The following TBL1X variants were observed in gnomAD, a reference collection of about 807,000 sequenced individuals.
The protein encoded by TBL1X is transducin beta like 1 X-linked, also known as F-box-like/WD repeat-containing protein TBL1X.
TBL1X carries 10 observed loss-of-function variants against 50.7 expected under a neutral mutation model. The observed-to-expected ratio is 0.20, with a 90% CI of 0.12 to 0.33. The LOEUF is 0.33. Ranked by LOEUF, TBL1X falls within the 10% of genes least tolerant of loss-of-function variation. TBL1X has a pLI of 1.00. For synonymous variants in TBL1X, 190 were observed against 214.7 expected (o/e 0.88, Z 1.01); for missense variants, 340 against 504.4 (o/e 0.67, Z 3.12).
intron 2 of TBL1X, among the ~76,000 whole-genome samples, chrX:9,545,143 A>T (rs903835754): frequency 9.3e-6 from 1 of 107,396 alleles, no homozygotes; most frequent in African/African-American, 3.4e-5. Context: ...AGTAGCTGGG[A>T]TTACAGGTAC....
chrX:9,594,883 G>T (rs750168559), intron 2 of TBL1X, among the ~76,000 whole-genome samples: 1 of 111,993 alleles, frequency 8.9e-6, no homozygotes, highest in Non-Finnish European at 1.9e-5. Flanking sequence ...GTGTATACCC[G>T]TGTCTTTCTT....
chrX:9,532,340 C>T (rs903138405), intron 2 of TBL1X, among the ~76,000 whole-genome samples: 6 of 111,866 alleles, frequency 5.4e-5, no homozygotes, highest in Admixed American at 4.7e-4. Context: ...AATTCTATAT[C>T]TTAACATTGG....
At chrX:9,651,929 G>A (rs901730515) in intron 3 of TBL1X, among the ~76,000 whole-genome samples, 5 of 112,386 alleles carry the variant, frequency 4.4e-5, no homozygotes, top group East Asian at 2.8e-4. Flanking sequence ...GATAACAGAC[G>A]ACCACACGTT....
intron 17 of TBL1X, among the ~76,000 whole-genome samples, chrX:9,715,242 G>A (rs1454057821): frequency 8.9e-6 from 1 of 112,137 alleles, no homozygotes; most frequent in Non-Finnish European, 1.9e-5. Flanking sequence ...TCTCAACCAG[G>A]GTGATTCTGC....
At position 9,711,406 on chromosome X, in the gene TBL1X, A is replaced by G. The variant is rs374231770; in HGVS notation, c.1440-205A>G. On this transcript the variant is annotated intron_variant, in intron 15 of 17. Coordinates refer to ENST00000645353, the MANE Select transcript of TBL1X (RefSeq NM_005647.4). ...AAATTGTTTCCCTAATAAGACCATTAAAGCTTTTTTTCTGTTTAATGACTA... is the reference window on the plus strand; with the variant it reads ...AAATTGTTTCCCTAATAAGACCATTGAAGCTTTTTTTCTGTTTAATGACTA... 1.2e-3 allele frequency among the ~76,000 whole-genome samples: 131 copies of G among 111,479 alleles called. 1 individual carries two copies. Among genetic ancestry groups the G allele is most frequent in the African/African-American group, 4.0e-3 (124 of 30,708 alleles).
chrX:9,470,534 C>T (rs845448), intron 1 of TBL1X, among the ~76,000 whole-genome samples: 39,422 of 111,771 alleles, frequency 0.35, 5,102 homozygotes, highest in East Asian at 0.52. Flanking sequence ...GGATTACAGG[C>T]GTAAGCCAGC....
chrX:9,613,693 A>G (rs1300969881), intron 2 of TBL1X, among the ~76,000 whole-genome samples: 1 of 111,603 alleles, frequency 9.0e-6, no homozygotes, highest in Non-Finnish European at 1.9e-5. Context: ...CTATCATGAA[A>G]ATTAATTTAA....
chrX:9,496,489 T>C (rs1248717865), intron 1 of TBL1X, among the ~76,000 whole-genome samples: 1 of 112,988 alleles, frequency 8.9e-6, no homozygotes, highest in Non-Finnish European at 1.9e-5. Flanking sequence ...ACTTCAGTTG[T>C]ACATATCAAT....
chrX:9,622,090 ATT>A (rs112829952), intron 2 of TBL1X, among the ~76,000 whole-genome samples: 1,340 of 105,044 alleles, frequency 0.013, 8 homozygotes, highest in Middle Eastern at 0.034. Flanking sequence ...GATATTTCTG[ATT>A]TTTTTTTTTT....
At position 9,696,457 on chromosome X, in the gene TBL1X, T is replaced by G. The variant is rs7885936; in HGVS notation, c.1054-912T>G. On this transcript the variant is annotated intron_variant, in intron 11 of 17. Coordinates refer to ENST00000645353, the MANE Select transcript of TBL1X (RefSeq NM_005647.4). The stretch of plus-strand genomic sequence containing the variant: ...TTCCAATTAAGTTGAAAATTCCAGT[T>G]GATGAAGACGTAACTCCAATGCTAT... Among the ~76,000 whole-genome samples the G allele has an allele frequency of 4.4e-3, 493 of 112,905 alleles. 2 individuals are homozygous for G. The highest frequency in any genetic ancestry group is 0.015 in the African/African-American group (458 of 31,107).
chrX:9,614,166 G>T (rs1219601980), intron 2 of TBL1X, among the ~76,000 whole-genome samples: 2 of 111,248 alleles, frequency 1.8e-5, no homozygotes, highest in Non-Finnish European at 3.8e-5. Context: ...CCCAAGACCA[G>T]ACATTCCAAA....
At chrX:9,472,971 T>C (rs2081827126) in intron 1 of TBL1X, among the ~76,000 whole-genome samples, 1 of 111,171 alleles carries the variant, frequency 9.0e-6, no homozygotes, top group Non-Finnish European at 1.9e-5. Flanking sequence ...TGAGTCGTGA[T>C]TTCAGTTTCT....
At chrX:9,653,471 G>A in intron 3 of TBL1X, 74 bp from the exon 4 acceptor site, 1 of 645,111 alleles carries the variant, frequency 1.6e-6, no homozygotes, top group Non-Finnish European at 2.3e-6. Flanking sequence ...TAGCCAGACG[G>A]ATGCAGCGGA....
intron 1 of TBL1X, among the ~76,000 whole-genome samples, chrX:9,495,684 G>A (rs2081967720): frequency 9.0e-6 from 1 of 111,362 alleles, no homozygotes; most frequent in African/African-American, 3.3e-5. Context: ...ACGCCTGGCC[G>A]AACCTCATCT....
intron 2 of TBL1X, among the ~76,000 whole-genome samples, chrX:9,592,585 C>T (rs754823549): frequency 9.0e-6 from 1 of 111,302 alleles, no homozygotes; most frequent in Admixed American, 9.5e-5. Context: ...TTCCATTATC[C>T]TTCTCCAAAA....
intron 2 of TBL1X, among the ~76,000 whole-genome samples, chrX:9,554,910 C>G (rs1172012178): frequency 1.8e-5 from 2 of 111,386 alleles, no homozygotes; most frequent in Non-Finnish European, 3.8e-5. Context: ...CACGTCCTCC[C>G]CAGCCCCTGG....
chrX:9,489,747 G>A (rs768055697), intron 1 of TBL1X, among the ~76,000 whole-genome samples: 1 of 111,700 alleles, frequency 9.0e-6, no homozygotes, highest in East Asian at 2.8e-4. Context: ...GTTGGGGAGG[G>A]CTATTCTAGT....
chrX:9,472,051 C>T (rs2081818629), intron 1 of TBL1X, among the ~76,000 whole-genome samples: 2 of 111,378 alleles, frequency 1.8e-5, no homozygotes, highest in South Asian at 3.8e-4. Flanking sequence ...TCCCCAGCAC[C>T]ATCATGTCGG....
intron 2 of TBL1X, among the ~76,000 whole-genome samples, chrX:9,529,217 G>T (rs942834045): frequency 1.8e-5 from 2 of 111,724 alleles, no homozygotes; most frequent in Admixed American, 1.9e-4. Flanking sequence ...ATTGCTTTCT[G>T]TGTCCTCTGT....
Sources: allele counts gnomAD v4.1 joint callset (sites outside exome capture counted in the v4.1 genomes callset), GRCh38; gene constraint gnomAD v4.1.1; transcripts MANE v1.5; gene names NCBI Gene and HGNC (gene_info 2026-07-23, HGNC 2026-07-21).